Variants in MRM3 observed in about 807,000 individuals in gnomAD.
MRM3 encodes rRNA methyltransferase 3, mitochondrial.
Under a neutral mutation model 29.4 loss-of-function variants are expected in MRM3, and 26 were observed. The observed-to-expected ratio is 0.89, with a 90% CI of 0.65 to 1.23. The LOEUF (loss-of-function observed/expected upper bound fraction) is 1.23, where lower values mean the gene tolerates loss of function less well. Among genes scored for constraint, MRM3 ranks in the 50% most tolerant of loss-of-function variants. The pLI is 0.00. For synonymous variants in MRM3, 225 were observed against 219.0 expected (o/e 1.03, Z -0.24); for missense variants, 578 against 540.2 (o/e 1.07, Z -0.69).
At chr17:791,416 G>A in intron 3 of MRM3, 118 bp from the exon 4 acceptor site, 2 of 1,054,752 alleles carry the variant, frequency 1.9e-6, no homozygotes, top group East Asian at 2.6e-5. Context: ...CATCCCTCAA[G>A]AAAGCTATCA....
In MRM3 at chr17:788,113, C is replaced by G; in HGVS notation, c.708C>G (p.Ser236Arg). 6.2e-7 allele frequency: 1 copy of G among 1,614,142 alleles called. No homozygotes were observed. Among genetic ancestry groups the G allele is most frequent in the Non-Finnish European group, 8.5e-7 (1 of 1,180,024 alleles). The change falls in exon 3 of 4, where the codon AGC (serine) becomes AGG (arginine). Residue 236 changes from serine to arginine, a missense_variant. By Grantham distance (110) the Ser-to-Arg change is moderately radical (BLOSUM62 -1). Transcript: ENST00000304478. ...ILRSAAGAGC[S>R]KVLLTKGCVD... The stretch of plus-strand genomic sequence containing the variant: ...GATCTGCAGCTGGGGCAGGCTGCAG[C>G]AAAGTGTTACTCACCAAAGGTAAGG...
chr17:791,751 G>A lies in MRM3; in HGVS notation c.945G>A (p.Lys315=). The stretch of plus-strand genomic sequence containing the variant: ...GGGTGTGTGATCAACGAGTGATGAA[G>A]TTTCACAAGTATGAGGAAGAGGAAG... The part of the protein sequence containing the change: ...HGWVCDQRVM[K]FHKYEEEEDV... Residue 315 remains lysine (K), a synonymous_variant, in exon 4 of 4, where the codon AAG becomes AAA. Transcript: ENST00000304478. 1 of 1,614,206 alleles carries A rather than the reference G, an allele frequency of 6.2e-7. No homozygotes were observed. Among genetic ancestry groups the A allele is most frequent in the Non-Finnish European group, 8.5e-7 (1 of 1,180,050 alleles).
chr17:784,272 C>G (rs1359750767), intron 2 of MRM3, among the ~76,000 whole-genome samples: 1 of 152,188 alleles, frequency 6.6e-6, no homozygotes, highest in African/African-American at 2.4e-5. Context: ...GTCTCTGTAA[C>G]CCAGTGAGTC....
chr17:788,445 T>TA (rs35563200), intron 3 of MRM3, among the ~76,000 whole-genome samples: 128,050 of 149,410 alleles, frequency 0.86, 54,937 homozygotes, highest in East Asian at 0.9. Flanking sequence ...AAAAAAATAA[T>TA]AAACCAGGTG....
Position 782,388 on chromosome 17 carries a change from C to G in MRM3, c.10C>G (p.Leu4Val), listed in dbSNP as rs753792365. 15 of 1,613,674 alleles carry G rather than the reference C, an allele frequency of 9.3e-6. No individual in the cohort carries two copies. In the South Asian group the frequency reaches 1.1e-4, roughly 12 times the overall value. MAA[L>V]VRPARFVVRP... ...CCGGGTCTCAGGGAACATGGCGGCG[C>G]TGGTGAGACCCGCGAGGTTTGTCGT... Residue 4 changes from leucine (L) to valine (V), a missense_variant, in exon 1 of 4, where the codon CTG (leucine) becomes GTG (valine). By Grantham distance (32) the Leu-to-Val change is conservative (BLOSUM62 1). Coordinates refer to ENST00000304478, the MANE Select transcript of MRM3 (RefSeq NM_018146.4).
intron 2 of MRM3, among the ~76,000 whole-genome samples, chr17:785,361 C>T (rs972800393): frequency 6.6e-6 from 1 of 151,858 alleles, no homozygotes; most frequent in African/African-American, 2.4e-5. Context: ...AAATTCTTTC[C>T]ATAAAACTTT....
rs202189405 is a variant in MRM3, at chr17:782,534, C to T, written c.156C>T (p.Arg52=). 2.5e-4 allele frequency: 399 copies of T among 1,613,548 alleles called. 2 individuals carry two copies. In the East Asian group the frequency reaches 8.3e-3, roughly 34 times the overall value. ...CCGGAGAGGTGGTGGAACAGAAGCG[C>T]GCTCCTGGGAAGCAGCCCCGCAAGG... is the stretch of plus-strand genomic sequence containing the variant. ...FPSGEVVEQK[R]APGKQPRKAP... Residue 52 remains arginine (R), a synonymous_variant, in exon 1 of 4, where the codon CGC becomes CGT. Transcript: ENST00000304478.
In MRM3 at chr17:783,177, G is replaced by A. The variant is rs1910279038; in HGVS notation, c.409G>A (p.Ala137Thr). Residue 137 changes from alanine (A) to threonine (T), a missense_variant, in exon 2 of 4, where the codon GCT becomes ACT. Transcript: ENST00000304478. ...CAGGCTCATTTCAGACGCTCTCAAG[G>A]CTGGAGCTGTGCCAAAAATGTTCTT... ...GRRLISDALKAGAVPKMFFFS... is the reference protein window; with the variant it reads ...GRRLISDALKTGAVPKMFFFS... The A allele has an allele frequency of 6.2e-7, 1 of 1,613,980 alleles. No homozygotes were observed. The highest frequency in any genetic ancestry group is 8.5e-7 in the Non-Finnish European group (1 of 1,180,030).
chr17:789,789 G>T (rs1910709510), intron 3 of MRM3: 1 of 152,254 alleles, frequency 6.6e-6, no homozygotes, highest in African/African-American at 2.4e-5. Flanking sequence ...AAGCATTGTG[G>T]TTTTCACATT....
At chr17:783,026 T>C (rs538886061) in intron 1 of MRM3, 57 bp from the exon 2 acceptor site, 2 of 1,554,106 alleles carry the variant, frequency 1.3e-6, no homozygotes, top group East Asian at 2.3e-5. Context: ...ACTAAGCGTG[T>C]CTCAGTAACA....
chr17:786,484 C>G (rs1006741625), intron 2 of MRM3, among the ~76,000 whole-genome samples: 21 of 152,118 alleles, frequency 1.4e-4, no homozygotes, highest in Non-Finnish European at 1.5e-5. Context: ...ACCGTATTAG[C>G]CAGGATGATC....
chr17:792,436 A>G lies in MRM3; in HGVS notation c.*367A>G, dbSNP rs1000291531. On this transcript the variant is annotated 3_prime_UTR_variant, in exon 4 of 4. Coordinates refer to ENST00000304478, the MANE Select transcript of MRM3 (RefSeq NM_018146.4). ...TGTTTGTAATCGCCAAGCACCAGCT[A>G]TAGGTCACAGCCACATCACTCACAG... is the stretch of plus-strand genomic sequence containing the variant. The G allele has an allele frequency of 4.2e-6, 1 of 237,762 alleles. No homozygotes were observed. The highest frequency in any genetic ancestry group is 8.2e-6 in the Non-Finnish European group (1 of 121,256). The allele number at this position is 237,762 out of a possible 1,614,324, so 14.7% of individuals were successfully genotyped here. A position where few individuals can be genotyped will look rare whatever the true frequency, so the allele number is the denominator to read the frequency against.
chr17:783,277 T>A lies in MRM3; in HGVS notation c.509T>A (p.Phe170Tyr). The A allele has an allele frequency of 6.2e-7, 1 of 1,614,032 alleles. No individual in the cohort carries two copies. The highest frequency in any genetic ancestry group is 8.5e-7 in the Non-Finnish European group (1 of 1,179,988). The change falls in exon 2 of 4, where the codon TTT (phenylalanine) becomes TAT (tyrosine). Residue 170 changes from phenylalanine to tyrosine, a missense_variant. Phe to Tyr is a conservative substitution (Grantham distance 22). Coordinates refer to ENST00000304478, the MANE Select transcript of MRM3 (RefSeq NM_018146.4). ...LKGVSLIKVK[F>Y]EDIKDWSDLV... Reference sequence around the variant, plus strand: ...GGTGTCAGCCTCATTAAGGTGAAATTTGAGGATATCAAGGATTGGTCCGAC... The same window carrying A: ...GGTGTCAGCCTCATTAAGGTGAAATATGAGGATATCAAGGATTGGTCCGAC...
In MRM3 at chr17:791,550, G is replaced by C. The variant is rs775152218; in HGVS notation, c.744G>C (p.Trp248Cys). Residue 248 changes from tryptophan (W) to cysteine (C), a missense_variant, in exon 4 of 4, where the codon TGG becomes TGC. Coordinates refer to ENST00000304478, the MANE Select transcript of MRM3 (RefSeq NM_018146.4). ...VLLTKGCVDAWEPKVLRAGMG... is the reference protein window; with the variant it reads ...VLLTKGCVDACEPKVLRAGMG... ...ATTTTCCAGGCTGTGTGGATGCCTG[G>C]GAGCCCAAAGTGCTCCGGGCGGGTA... 5.6e-6 allele frequency: 9 copies of C among 1,613,268 alleles called. No individual in the cohort carries two copies. The South Asian group carries it at 9.9e-5, about 18-fold the overall frequency.
chr17:785,795 TAAAG>T (rs946990480), intron 2 of MRM3, among the ~76,000 whole-genome samples: 3 of 152,240 alleles, frequency 2.0e-5, no homozygotes, highest in African/African-American at 7.2e-5. Context: ...AAATGAGTGA[TAAAG>T]GAAAGATAAA....
intron 3 of MRM3, among the ~76,000 whole-genome samples, chr17:791,293 C>T (rs1250424203): frequency 6.6e-6 from 1 of 152,120 alleles, no homozygotes; most frequent in Non-Finnish European, 1.5e-5. Context: ...TGCGCAGTGT[C>T]TGGCACGTGT....
chr17:788,986 T>C (rs536908932), intron 3 of MRM3, among the ~76,000 whole-genome samples: 1 of 152,332 alleles, frequency 6.6e-6, no homozygotes, highest in African/African-American at 2.4e-5. Flanking sequence ...TGATTCTCTT[T>C]TTTAAAAATT....
intron 2 of MRM3, 200 bp downstream of exon 2, chr17:783,527 G>T: frequency 2.3e-6 from 1 of 436,470 alleles, no homozygotes. Context: ...AGTAGAGGTG[G>T]GGTTTCACCA....
Position 788,100 on chromosome 17 carries a change from G to C in MRM3, c.695G>C (p.Gly232Ala). 1 of 1,614,124 alleles carries C rather than the reference G, an allele frequency of 6.2e-7. No individual in the cohort carries two copies. The highest frequency in any genetic ancestry group is 2.2e-5 in the East Asian group (1 of 44,882). The change falls in exon 3 of 4, where the codon GGG becomes GCG. Residue 232 changes from glycine (G) to alanine (A), a missense_variant. Physicochemically the swap from Gly to Ala is moderately conservative, Grantham distance 60. Coordinates refer to ENST00000304478, the MANE Select transcript of MRM3 (RefSeq NM_018146.4). ...GGGACAATTCTGAGATCTGCAGCTGGGGCAGGCTGCAGCAAAGTGTTACTC... is the reference window on the plus strand; with the variant it reads ...GGGACAATTCTGAGATCTGCAGCTGCGGCAGGCTGCAGCAAAGTGTTACTC... ...NLGTILRSAA[G>A]AGCSKVLLTK...
Sources: gnomAD v4.1 joint callset for allele counts (sites outside exome capture counted in the v4.1 genomes callset) on GRCh38, gnomAD v4.1.1 for gene constraint, MANE v1.5 for transcripts, NCBI Gene and HGNC (gene_info 2026-07-23, HGNC 2026-07-21) for gene names.